The following SVIL variants were observed in gnomAD, a reference collection of about 807,000 sequenced individuals.
SVIL encodes supervillin, also known as archvillin.
In SVIL, 101 loss-of-function variants were observed where a neutral mutation model predicts 240.4. The ratio of observed to expected loss-of-function variants is 0.42; its 90% CI spans 0.36 to 0.50. SVIL has a LOEUF of 0.50. Ranked by LOEUF, SVIL falls within the 20% of genes least tolerant of loss-of-function variation. The pLI is 0.01. For missense variants in SVIL, 2,512 were observed against 2,818.7 expected (o/e 0.89, Z 2.46); for synonymous variants, 999 against 1,100.0 (o/e 0.91, Z 1.82).
chr10:29,662,490 C>T (rs925107866), intron 2 of SVIL, among the ~76,000 whole-genome samples: 2 of 152,132 alleles, frequency 1.3e-5, no homozygotes, highest in Admixed American at 6.5e-5. Flanking sequence ...AGACCATCTC[C>T]CCATTAGAGA....
intron 16 of SVIL, among the ~76,000 whole-genome samples, chr10:29,513,872 C>A (rs1589062726): frequency 1.3e-5 from 2 of 152,064 alleles, no homozygotes; most frequent in East Asian, 3.9e-4. Flanking sequence ...ATACTGGAAT[C>A]CTGAAAGGTT....
chr10:29,480,685 G>T lies in SVIL; in HGVS notation c.5229C>A (p.Asp1743Glu). The T allele has an allele frequency of 6.2e-7, 1 of 1,614,182 alleles. No homozygotes were observed. The highest frequency in any genetic ancestry group is 1.1e-5 in the South Asian group (1 of 91,088). The change falls in exon 29 of 38, where the codon GAC (aspartate) becomes GAA (glutamate). Residue 1743 changes from aspartate to glutamate, a missense_variant. Coordinates refer to ENST00000355867, the MANE Select transcript of SVIL (RefSeq NM_021738.3). ...CGCTGGTGATCTCAAACTGCCTCCT[G>T]TCGTGTCCTTCCACCAGGCCATAGC... ...GRGYGLVEGH[D>E]RRQFEITSVS... is the part of the protein sequence containing the mutation.
At chr10:29,506,125 A>G (rs1372199339) in intron 17 of SVIL, among the ~76,000 whole-genome samples, 1 of 152,134 alleles carries the variant, frequency 6.6e-6, no homozygotes, top group Non-Finnish European at 1.5e-5. Context: ...AAGTATCCCT[A>G]GTTGGTTGAA....
intron 6 of SVIL, chr10:29,545,031 G>A (rs374251261): frequency 2.3e-4 from 125 of 534,544 alleles, no homozygotes; most frequent in African/African-American, 1.8e-3. Context: ...CCTGAATTCC[G>A]CAGCCTGTGT....
intron 17 of SVIL, among the ~76,000 whole-genome samples, chr10:29,509,360 A>AG (rs780886427): frequency 3.0e-5 from 4 of 131,958 alleles, no homozygotes; most frequent in Non-Finnish European, 6.6e-5. Flanking sequence ...AGAGAGAGAG[A>AG]GAGAGAGAGA....
rs542999418 is a variant in SVIL at position 29,523,384 on chromosome 10, C to A, written c.3163+67G>T. On this transcript the variant is annotated intron_variant, in intron 15 of 37. Coordinates refer to ENST00000355867, the MANE Select transcript of SVIL (RefSeq NM_021738.3). ...ACTTTGTTAAAAGCCATCATAGACA[C>A]AGGACAAATCAAGCAGAAACTAAAA... 1.3e-5 allele frequency: 18 copies of A among 1,439,254 alleles called. No individual in the cohort carries two copies. In the South Asian group the frequency reaches 2.2e-4, roughly 18 times the overall value. The allele number at this position is 1,439,254 out of a possible 1,614,324, so 89.2% of individuals were successfully genotyped here.
At chr10:29,612,049 G>T (rs529839027) in intron 1 of SVIL, among the ~76,000 whole-genome samples, 2 of 152,080 alleles carry the variant, frequency 1.3e-5, no homozygotes, top group Non-Finnish European at 2.9e-5. Flanking sequence ...GCCCTAGGGG[G>T]TAGCTCAGAT....
chr10:29,614,123 AT>A (rs202068234), intron 1 of SVIL, among the ~76,000 whole-genome samples: 11 of 152,112 alleles, frequency 7.2e-5, no homozygotes, highest in South Asian at 2.1e-4. Context: ...TTTTAAAGCC[AT>A]TTTTTTTAAA....
intron 1 of SVIL, among the ~76,000 whole-genome samples, chr10:29,629,592 G>T (rs1564718115): frequency 6.7e-6 from 1 of 150,070 alleles, no homozygotes; most frequent in Non-Finnish European, 1.5e-5. Flanking sequence ...TGGGCACATG[G>T]TATGTGCCCA....
chr10:29,514,589 C>G (rs1950086407), intron 16 of SVIL, among the ~76,000 whole-genome samples: 2 of 152,062 alleles, frequency 1.3e-5, no homozygotes, highest in Admixed American at 6.6e-5. Context: ...GCTATGTTGC[C>G]CAGGGCAGTT....
intron 1 of SVIL, among the ~76,000 whole-genome samples, chr10:29,715,725 G>C (rs892558884): frequency 6.6e-6 from 1 of 152,172 alleles, no homozygotes; most frequent in African/African-American, 2.4e-5. Context: ...GACTTTATTT[G>C]CCAAACTCCT....
chr10:29,532,397 T>C, intron 8 of SVIL, 132 bp downstream of exon 8: 1 of 1,419,050 alleles, frequency 7.0e-7, no homozygotes, highest in Non-Finnish European at 9.3e-7. Flanking sequence ...ATTTTCCGCA[T>C]AGTCGCCCTG....
At chr10:29,539,148 G>C (rs1037786972) in intron 6 of SVIL, among the ~76,000 whole-genome samples, 4 of 151,708 alleles carry the variant, frequency 2.6e-5, no homozygotes, top group Non-Finnish European at 5.9e-5. Context: ...CTGGGAGACA[G>C]AGTGAGACTC....
chr10:29,605,104 T>A (rs2132853059), intron 1 of SVIL, among the ~76,000 whole-genome samples: 1 of 152,320 alleles, frequency 6.6e-6, no homozygotes, highest in African/African-American at 2.4e-5. Flanking sequence ...TAAGCAGAAG[T>A]GTGCAAAGTA....
At chr10:29,683,735 T>C (rs1181274492) in intron 2 of SVIL, among the ~76,000 whole-genome samples, 2 of 152,176 alleles carry the variant, frequency 1.3e-5, no homozygotes, top group African/African-American at 4.8e-5. Context: ...TTTACCCTGA[T>C]TCACCTGCAC....
chr10:29,506,032 A>G (rs1310368703), intron 17 of SVIL, among the ~76,000 whole-genome samples: 4 of 152,164 alleles, frequency 2.6e-5, no homozygotes, highest in Non-Finnish European at 5.9e-5. Context: ...AATACAAGGT[A>G]ATGTTATGTA....
In SVIL at chr10:29,522,498, A is replaced by C; in HGVS notation, c.3301T>G (p.Cys1101Gly). ...QPQEKLCKNP[C>G]AMFAAGEIKT... ...ATCTCTCCAGCAGCAAACATCGCAC[A>C]TGGATTCTTGCAGAGCTTCTCCTGT... The change falls in exon 16 of 38, where the codon TGT becomes GGT. Residue 1101 changes from cysteine to glycine, a missense_variant. This residue lies in a region of SVIL where 1,443 missense variants were observed against 1,486.6 expected (regional missense o/e 0.97). Coordinates refer to ENST00000355867, the MANE Select transcript of SVIL (RefSeq NM_021738.3). The C allele has an allele frequency of 6.2e-7, 1 of 1,614,186 alleles. No homozygotes were observed. The highest frequency in any genetic ancestry group is 8.5e-7 in the Non-Finnish European group (1 of 1,180,018).
At position 29,695,452 on chromosome 10, in the gene SVIL, A is replaced by T. The variant is rs1273702202; in HGVS notation, c.-399-8801T>A. 2.6e-5 allele frequency among the ~76,000 whole-genome samples: 4 copies of T among 152,282 alleles called. No homozygotes were observed. In the East Asian group the frequency reaches 7.8e-4, roughly 30 times the overall value. ...CCTAAAGCTGTTGAAATTTTAAAAA[A>T]TTTAAAAAATAGCCCAGGCGTGGTG... is the stretch of plus-strand genomic sequence containing the variant. On this transcript the variant is annotated intron_variant, in intron 1 of 35. Coordinates refer to the SVIL transcript ENST00000375400.
chr10:29,576,249 C>CA, intron 1 of SVIL: 1 of 360,098 alleles, frequency 2.8e-6, no homozygotes, highest in Non-Finnish European at 3.9e-6. Context: ...CTTGTGCACT[C>CA]TTCTTCTCAA....
Sources: allele counts gnomAD v4.1 joint callset (sites outside exome capture counted in the v4.1 genomes callset), GRCh38; gene constraint gnomAD v4.1.1; regional missense constraint gnomAD v4.1.1; transcripts MANE v1.5; gene names NCBI Gene and HGNC (gene_info 2026-07-23, HGNC 2026-07-21).